RGS12: variants seen among roughly 807,000 people sequenced by gnomAD.
RGS12 encodes the protein regulator of G-protein signaling 12.
RGS12 carries 66 observed loss-of-function variants against 120.1 expected under a neutral mutation model. The observed-to-expected ratio is 0.55, with a 90% CI of 0.45 to 0.67. The LOEUF (loss-of-function observed/expected upper bound fraction) is 0.67. Among genes scored for constraint, RGS12 ranks in the 30% least tolerant of loss-of-function variants. The pLI, the probability that RGS12 is intolerant of heterozygous loss-of-function variation, is 0.00. For synonymous variants in RGS12, 827 were observed against 804.7 expected (o/e 1.03, Z -0.47); for missense variants, 1,859 against 1,957.7 (o/e 0.95, Z 0.95).
In RGS12 at chr4:3,437,191, C is replaced by T. The variant is rs944007969; in HGVS notation, c.4115-2264C>T. The stretch of plus-strand genomic sequence containing the variant: ...GGGCTGGCTGCCCTGCACAGGAGGG[C>T]GAGGCTGGCTCCCGTAGGCAGGAAG... On this transcript the variant is annotated intron_variant, in intron 17 of 17. Transcript: ENST00000336727. Among the ~76,000 whole-genome samples, 5 of 152,246 alleles carry T rather than the reference C, an allele frequency of 3.3e-5. No individual in the cohort carries two copies. The East Asian group carries it at 5.8e-4, about 18-fold the overall frequency.
chr4:3,304,014 G>A (rs1209438699), intron 1 of RGS12, among the ~76,000 whole-genome samples: 2 of 152,202 alleles, frequency 1.3e-5, no homozygotes, highest in East Asian at 3.8e-4. Flanking sequence ...TCGCTGTGCT[G>A]CTGCCTAGCA....
chr4:3,291,152 C>T (rs564054537), upstream of RGS12, among the ~76,000 whole-genome samples: 25 of 152,320 alleles, frequency 1.6e-4, no homozygotes, highest in African/African-American at 5.5e-4. Flanking sequence ...AAAGAAGAGA[C>T]CTGCAGGTGG....
At chr4:3,434,263 T>G (rs993293251) in intron 17 of RGS12, among the ~76,000 whole-genome samples, 1 of 152,070 alleles carries the variant, frequency 6.6e-6, no homozygotes, top group Admixed American at 6.5e-5. Flanking sequence ...TGAGACTCAC[T>G]ATCATGAGAA....
chr4:3,436,609 G>T (rs1015900673), intron 17 of RGS12, among the ~76,000 whole-genome samples: 1 of 152,204 alleles, frequency 6.6e-6, no homozygotes, highest in Non-Finnish European at 1.5e-5. Context: ...CCCTGCTCCC[G>T]CTGTGCCTGC....
Position 3,317,771 on chromosome 4 carries a change from A to G in RGS12, c.1601A>G (p.Asn534Ser), listed in dbSNP as rs374223521. 69 of 1,613,448 alleles carry G rather than the reference A, an allele frequency of 4.3e-5. No individual in the cohort carries two copies. The highest frequency in any genetic ancestry group is 5.4e-5 in the Non-Finnish European group (64 of 1,179,956). Residue 534 changes from asparagine (N) to serine (S), a missense_variant, in exon 2 of 18, where the codon AAC (asparagine) becomes AGC (serine). Asn to Ser is a conservative substitution (Grantham distance 46). Coordinates refer to ENST00000336727, the MANE Select transcript of RGS12 (RefSeq NM_001394154.1). Reference sequence around the variant, plus strand: ...ACCGTGGGTGCTGGCTGTGGTTTCAACCAGCGCTGGCTCCCGGTCCACGTG... The same window carrying G: ...ACCGTGGGTGCTGGCTGTGGTTTCAGCCAGCGCTGGCTCCCGGTCCACGTG... ...RGTVGAGCGF[N>S]QRWLPVHVLR...
At chr4:3,431,979 C>CT (rs1206855392) in intron 17 of RGS12, 1 of 985,352 alleles carries the variant, frequency 1.0e-6, no homozygotes, top group Non-Finnish European at 1.2e-6. Flanking sequence ...ATGGGAGGGG[C>CT]TACCTGGTCC....
rs1314855902 is a variant in RGS12, at chr4:3,317,645, C to A, written c.1475C>A (p.Thr492Asn). The A allele has an allele frequency of 2.5e-6, 4 of 1,595,460 alleles. No individual in the cohort carries two copies. Among genetic ancestry groups the A allele is most frequent in the Non-Finnish European group, 3.4e-6 (4 of 1,168,524 alleles). Residue 492 changes from threonine (T) to asparagine (N), a missense_variant, in exon 2 of 18, where the codon ACT becomes AAT. Physicochemically the swap from Thr to Asn is moderately conservative, Grantham distance 65. Around this residue, in one of 3 missense-constraint regions of RGS12, gnomAD observed 967 missense variants for 994.2 expected, o/e 0.97. Coordinates refer to ENST00000336727, the MANE Select transcript of RGS12 (RefSeq NM_001394154.1). ...GSPPFEAAHQ[T>N]DRFWDLNKHL... The stretch of plus-strand genomic sequence containing the variant: ...CCCCCATTTGAGGCCGCTCATCAGA[C>A]TGACAGGTTCTGGGACCTAAACAAG...
upstream of RGS12, among the ~76,000 whole-genome samples, chr4:3,289,089 G>A (rs1275023991): frequency 6.6e-6 from 1 of 152,212 alleles, no homozygotes; most frequent in African/African-American, 2.4e-5. Flanking sequence ...TCCACCTGCT[G>A]AGGACACCCA....
intron 17 of RGS12, among the ~76,000 whole-genome samples, chr4:3,439,144 C>A (rs1357684110): frequency 6.6e-6 from 1 of 151,820 alleles, no homozygotes; most frequent in East Asian, 1.9e-4. Context: ...GGGGCGGGGG[C>A]TCTGCCGGGG....
At chr4:3,392,640 C>T (rs765012635) in intron 4 of RGS12, among the ~76,000 whole-genome samples, 2 of 152,150 alleles carry the variant, frequency 1.3e-5, no homozygotes, top group African/African-American at 2.4e-5. Context: ...TTTAGCAGTT[C>T]CTTCTATTTT....
chr4:3,321,154 A>G (rs1289087415), intron 2 of RGS12, among the ~76,000 whole-genome samples: 1 of 152,214 alleles, frequency 6.6e-6, no homozygotes, highest in Admixed American at 6.5e-5. Flanking sequence ...AATCGTTAAC[A>G]AAGGAAAAGA....
At position 3,370,562 on chromosome 4, in the gene RGS12, C is replaced by T. The variant is rs184930356; in HGVS notation, c.1999-15854C>T. Among the ~76,000 whole-genome samples, 937 of 152,346 alleles carry T rather than the reference C, an allele frequency of 6.2e-3. 2 individuals carry two copies. The highest frequency in any genetic ancestry group is 8.9e-3 in the Non-Finnish European group (608 of 68,032). ...CACCCGGCCGCCGGCCTCAACCCCT[C>T]GGGAGCCCAAGCTGCCAGGTTTTAA... is the stretch of plus-strand genomic sequence containing the variant. On this transcript the variant is annotated intron_variant, in intron 3 of 17. Transcript: ENST00000336727.
chr4:3,344,588 A>G (rs1283753478), intron 3 of RGS12, among the ~76,000 whole-genome samples: 2 of 152,210 alleles, frequency 1.3e-5, no homozygotes, highest in African/African-American at 4.8e-5. Context: ...GCTCTGCACA[A>G]CCTGCCCCTT....
At chr4:3,351,025 G>A (rs2108802717) in intron 3 of RGS12, among the ~76,000 whole-genome samples, 1 of 152,288 alleles carries the variant, frequency 6.6e-6, no homozygotes, top group South Asian at 2.1e-4. Flanking sequence ...ACTTTTATCT[G>A]TGGCTAAGTT....
At chr4:3,294,892 A>C (rs1481395937) in intron 1 of RGS12, among the ~76,000 whole-genome samples, 2 of 152,004 alleles carry the variant, frequency 1.3e-5, no homozygotes, top group Non-Finnish European at 2.9e-5. Flanking sequence ...AAGGCCCCTC[A>C]CGTGGACTGG....
intron 4 of RGS12, among the ~76,000 whole-genome samples, chr4:3,412,333 C>T (rs1020608753): frequency 6.6e-5 from 10 of 152,326 alleles, no homozygotes; most frequent in Non-Finnish European, 1.2e-4. Context: ...AGCCTCCTGC[C>T]AGGCCTCTGC....
intron 1 of RGS12, among the ~76,000 whole-genome samples, chr4:3,300,188 G>A (rs1723606488): frequency 6.6e-6 from 1 of 152,324 alleles, no homozygotes; most frequent in Non-Finnish European, 1.5e-5. Context: ...CCTCGGAGGC[G>A]CCCAGGCCTT....
chr4:3,338,782 C>T (rs1170916396), intron 2 of RGS12, among the ~76,000 whole-genome samples: 6 of 152,234 alleles, frequency 3.9e-5, no homozygotes, highest in Non-Finnish European at 8.8e-5. Flanking sequence ...AACTTAAAAG[C>T]TGGAGTTTGA....
intron 2 of RGS12, among the ~76,000 whole-genome samples, chr4:3,331,790 C>T (rs999587186): frequency 7.2e-5 from 11 of 152,190 alleles, no homozygotes; most frequent in African/African-American, 9.7e-5. Context: ...TGGGCAGCGG[C>T]ACTCGGAGTC....
Sources: gnomAD v4.1 joint callset for allele counts (sites outside exome capture counted in the v4.1 genomes callset) on GRCh38, gnomAD v4.1.1 for gene constraint, gnomAD v4.1.1 regional missense constraint, MANE v1.5 for transcripts, NCBI Gene and HGNC (gene_info 2026-07-23, HGNC 2026-07-21) for gene names.